Variants in SHB observed in about 807,000 individuals in gnomAD.
SHB encodes the protein SH2 domain containing adaptor protein B, also known as SH2 domain-containing adapter protein B.
SHB carries 20 observed loss-of-function variants against 52.3 expected under a neutral mutation model. The ratio of observed to expected loss-of-function variants is 0.38; its 90% CI spans 0.27 to 0.56. SHB has a LOEUF of 0.56. Among genes scored for constraint, SHB ranks in the 20% least tolerant of loss-of-function variants. The pLI, the probability that SHB is intolerant of heterozygous loss-of-function variation, is 0.71. For missense variants in SHB, 825 were observed against 723.3 expected (o/e 1.14, Z -1.61); for synonymous variants, 397 against 316.5 (o/e 1.25, Z -2.70).
intron 2 of SHB, among the ~76,000 whole-genome samples, chr9:37,984,040 G>A (rs1820773322): frequency 1.3e-5 from 2 of 152,234 alleles, no homozygotes; most frequent in South Asian, 4.1e-4. Flanking sequence ...CATCTCTAGA[G>A]GGGAGAAAAC....
intron 2 of SHB, among the ~76,000 whole-genome samples, chr9:37,995,884 C>A (rs1820940804): frequency 6.6e-6 from 1 of 152,158 alleles, no homozygotes; most frequent in Non-Finnish European, 1.5e-5. Context: ...CTCTGAGACC[C>A]AAATCACCAT....
intron 2 of SHB, among the ~76,000 whole-genome samples, chr9:37,994,659 T>C (rs1034540214): frequency 6.6e-6 from 1 of 152,246 alleles, no homozygotes; most frequent in African/African-American, 2.4e-5. Flanking sequence ...AAAAGAGACC[T>C]GTAACCATAA....
intron 5 of SHB, among the ~76,000 whole-genome samples, chr9:37,939,101 A>G (rs1045695362): frequency 5.9e-5 from 9 of 152,094 alleles, no homozygotes; most frequent in African/African-American, 1.9e-4. Context: ...CTCCTGATCT[A>G]TATCACACAC....
At chr9:37,973,669 C>T (rs1360144458) in intron 3 of SHB, among the ~76,000 whole-genome samples, 1 of 152,192 alleles carries the variant, frequency 6.6e-6, no homozygotes, top group African/African-American at 2.4e-5. Flanking sequence ...AGAATTGTGA[C>T]AGATACCCAG....
intron 2 of SHB, among the ~76,000 whole-genome samples, chr9:37,979,967 C>T (rs186406383): frequency 6.6e-6 from 1 of 152,306 alleles, no homozygotes; most frequent in East Asian, 1.9e-4. Flanking sequence ...CCAAAAACTG[C>T]TTACAATCAT....
At chr9:37,998,534 C>T (rs1820976950) in intron 2 of SHB, among the ~76,000 whole-genome samples, 1 of 152,216 alleles carries the variant, frequency 6.6e-6, no homozygotes, top group South Asian at 2.1e-4. Context: ...TTCACTGCAA[C>T]CTCCACCTCC....
rs1197420613 is a variant in SHB at position 37,915,951 on chromosome 9, T to C, written c.*3870A>G. 3.3e-5 allele frequency among the ~76,000 whole-genome samples: 5 copies of C among 152,224 alleles called. No homozygotes were observed. Among genetic ancestry groups the C allele is most frequent in the Middle Eastern group, 3.2e-3 (1 of 316 alleles). ...GCTTCACATTAAATATTCATCATTA[T>C]ACAGTGTGTCACATAGATTTGGAAT... On this transcript the variant is annotated 3_prime_UTR_variant, in exon 6 of 6. Transcript: ENST00000377707.
In SHB at chr9:38,014,775, G is replaced by GAAC. The variant is rs544151603; in HGVS notation, c.838+1233_838+1235dup. Among the ~76,000 whole-genome samples, 520 of 152,110 alleles carry GAAC rather than the reference G, an allele frequency of 3.4e-3. 1 individual carries two copies. Among genetic ancestry groups the GAAC allele is most frequent in the South Asian group, 6.4e-3 (31 of 4,824 alleles). ...ATGAACAGGAGGAGCAGGAGGCAGA[G>GAAC]AACAGCAAAGGCAGAGCCTAGAAGG... is the stretch of plus-strand genomic sequence containing the variant. On this transcript the variant is annotated intron_variant, in intron 2 of 5. Coordinates refer to ENST00000377707, the MANE Select transcript of SHB (RefSeq NM_003028.3).
At chr9:37,986,819 C>T (rs921512384) in intron 2 of SHB, among the ~76,000 whole-genome samples, 2 of 152,212 alleles carry the variant, frequency 1.3e-5, no homozygotes, top group Admixed American at 1.3e-4. Flanking sequence ...CAGGGCCCAG[C>T]AGGGACTTCA....
chr9:38,032,326 G>A (rs747570901), intron 1 of SHB, among the ~76,000 whole-genome samples: 2 of 152,182 alleles, frequency 1.3e-5, no homozygotes, highest in Non-Finnish European at 2.9e-5. Context: ...AGAAGGCTAC[G>A]CAGGTTTCAA....
At chr9:38,053,060 T>C (rs757311017) in intron 1 of SHB, among the ~76,000 whole-genome samples, 1 of 151,616 alleles carries the variant, frequency 6.6e-6, no homozygotes, top group Non-Finnish European at 1.5e-5. Flanking sequence ...AGTAGAGACC[T>C]ATTCAGCTGA....
intron 5 of SHB, among the ~76,000 whole-genome samples, chr9:37,922,079 G>A (rs1019621563): frequency 1.3e-5 from 2 of 152,196 alleles, no homozygotes; most frequent in Admixed American, 6.5e-5. Flanking sequence ...GTGGCCTTAC[G>A]TTTTTGGGGT....
intron 1 of SHB, among the ~76,000 whole-genome samples, chr9:38,034,444 T>A (rs1310453648): frequency 1.3e-5 from 2 of 152,260 alleles, no homozygotes; most frequent in Non-Finnish European, 2.9e-5. Flanking sequence ...CACGTCCAGC[T>A]CTTTGGGAGG....
intron 3 of SHB, among the ~76,000 whole-genome samples, chr9:37,966,783 T>C (rs1455854147): frequency 1.3e-5 from 2 of 152,146 alleles, no homozygotes; most frequent in African/African-American, 2.4e-5. Context: ...CCTCTGCAGA[T>C]GCCGGGGCCC....
chr9:38,031,855 A>C (rs1291394057), intron 1 of SHB, among the ~76,000 whole-genome samples: 1 of 152,230 alleles, frequency 6.6e-6, no homozygotes, highest in Non-Finnish European at 1.5e-5. Flanking sequence ...TCTTGAACTG[A>C]ATCCCAGACT....
intron 1 of SHB, among the ~76,000 whole-genome samples, chr9:38,023,036 G>C (rs989773675): frequency 6.6e-6 from 1 of 152,236 alleles, no homozygotes; most frequent in South Asian, 2.1e-4. Context: ...CCCAAGCAGA[G>C]CCCTGGCTTT....
chr9:37,966,348 T>C (rs1025718355), intron 3 of SHB, among the ~76,000 whole-genome samples: 1 of 152,210 alleles, frequency 6.6e-6, no homozygotes, highest in African/African-American at 2.4e-5. Context: ...TTTCTATCAA[T>C]GTAATTAGCA....
intron 3 of SHB, among the ~76,000 whole-genome samples, chr9:37,970,507 G>A (rs536714667): frequency 8.5e-5 from 13 of 152,206 alleles, no homozygotes; most frequent in Non-Finnish European, 1.9e-4. Context: ...TGCTGAGGCA[G>A]TGCCTGAGAG....
chr9:37,975,032 C>A (rs142446147), intron 2 of SHB, among the ~76,000 whole-genome samples, 195 bp from the exon 3 acceptor site: 1 of 152,320 alleles, frequency 6.6e-6, no homozygotes, highest in Non-Finnish European at 1.5e-5. Context: ...GCCAGGCTTG[C>A]TCACAAGGCT....
Sources: allele counts gnomAD v4.1 joint callset (sites outside exome capture counted in the v4.1 genomes callset), GRCh38; gene constraint gnomAD v4.1.1; transcripts MANE v1.5; gene names NCBI Gene and HGNC (gene_info 2026-07-23, HGNC 2026-07-21).